Variants in ARHGAP8 observed in about 807,000 individuals in gnomAD.
The protein encoded by ARHGAP8 is Rho GTPase activating protein 8, also known as rho GTPase-activating protein 8.
In ARHGAP8, 62 loss-of-function variants were observed where a neutral mutation model predicts 46.1. The ratio of observed to expected loss-of-function variants is 1.34; its 90% confidence interval spans 1.10 to 1.66. The LOEUF is 1.66. ARHGAP8 is among the 40% of genes most tolerant of loss of function. The probability of loss-of-function intolerance (pLI) is 0.00; values close to 1 mark genes in which losing one functional copy is unlikely to be tolerated. For synonymous variants in ARHGAP8, 375 were observed against 243.1 expected (o/e 1.54, Z -5.05); for missense variants, 923 against 568.4 (o/e 1.62, Z -6.34).
At chr22:44,837,688 G>A (rs1423791296) in intron 7 of ARHGAP8, among the ~76,000 whole-genome samples, 1 of 152,150 alleles carries the variant, frequency 6.6e-6, no homozygotes, top group Admixed American at 6.6e-5. Context: ...CTCTCTCCGA[G>A]CCAGCAAGTA....
intron 2 of ARHGAP8, among the ~76,000 whole-genome samples, chr22:44,795,683 G>A (rs922392235): frequency 2.0e-5 from 3 of 152,192 alleles, no homozygotes; most frequent in African/African-American, 7.2e-5. Flanking sequence ...GAAGGAGGGT[G>A]CTGGGACCTG....
intron 2 of ARHGAP8, among the ~76,000 whole-genome samples, chr22:44,792,126 C>T (rs1331570408): frequency 2.0e-5 from 3 of 151,900 alleles, no homozygotes; most frequent in Non-Finnish European, 2.9e-5. Context: ...GATTCTCTGC[C>T]TCAGCCTCCC....
intron 5 of ARHGAP8, 152 bp downstream of exon 5, chr22:44,814,910 G>C (rs888042305): frequency 1.2e-6 from 1 of 848,414 alleles, no homozygotes; most frequent in East Asian, 2.7e-5. Context: ...GGGTCTGCGG[G>C]GGGTCACAAG....
intron 1 of ARHGAP8, chr22:44,765,134 TGGGGCCACAGCTGGCCCG>T (rs1925451021): frequency 6.6e-6 from 1 of 152,328 alleles, no homozygotes; most frequent in Admixed American, 6.5e-5. Context: ...AGAGTGGCCC[TGGGGCCACAGCTGGCCCG>T]GGGCCTGCAC....
intron 4 of ARHGAP8, chr22:44,809,048 C>T (rs1319605916): frequency 2.2e-6 from 1 of 463,446 alleles, no homozygotes; most frequent in East Asian, 7.0e-5. Context: ...TCTCGAACTC[C>T]AAGCTCAAGC....
At chr22:44,832,974 C>A (rs915090935) in intron 7 of ARHGAP8, among the ~76,000 whole-genome samples, 3 of 150,208 alleles carry the variant, frequency 2.0e-5, no homozygotes, top group African/African-American at 7.3e-5. Flanking sequence ...TAAAAACACA[C>A]ACACACACAC....
At chr22:44,860,122 A>G (rs2349857) in intron 11 of ARHGAP8, among the ~76,000 whole-genome samples, 1 of 151,828 alleles carries the variant, frequency 6.6e-6, no homozygotes, top group East Asian at 1.9e-4. Context: ...CTCTGCCCCC[A>G]TGTCATTTCC....
At chr22:44,857,811 CCT>C (rs1203014966) in intron 10 of ARHGAP8, among the ~76,000 whole-genome samples, 1 of 152,106 alleles carries the variant, frequency 6.6e-6, no homozygotes, top group East Asian at 1.9e-4. Flanking sequence ...TCTCTTTCCT[CCT>C]CTCTCTACAC....
chr22:44,754,975 C>A (rs780984947), intron 1 of ARHGAP8, among the ~76,000 whole-genome samples: 1 of 151,894 alleles, frequency 6.6e-6, no homozygotes, highest in Non-Finnish European at 1.5e-5. Context: ...TTAGGCAGGT[C>A]ACTCTCCTTC....
intron 7 of ARHGAP8, 59 bp downstream of exon 7, chr22:44,825,652 G>A (rs1045633529): frequency 1.0e-5 from 16 of 1,530,618 alleles, no homozygotes; most frequent in African/African-American, 4.2e-5. Flanking sequence ...GCTGTGGGGC[G>A]CTTCTGGGTC....
At position 44,845,344 on chromosome 22, in the gene ARHGAP8, T is replaced by G. The variant is rs1462660259; in HGVS notation, c.670+2T>G. On this transcript the variant is annotated splice_donor_variant, in intron 8 of 11. Transcript: ENST00000356099. LOFTEE classifies it high-confidence loss of function. Reference sequence around the variant, plus strand: ...CAGTGACGTACCTGAGAGAGAAAGGTGAGACGGGGCCGGCTCCAGCTGGAT... The same window carrying G: ...CAGTGACGTACCTGAGAGAGAAAGGGGAGACGGGGCCGGCTCCAGCTGGAT... 6.2e-7 allele frequency: 1 copy of G among 1,613,958 alleles called. No homozygotes were observed.
rs532392535 is a variant in ARHGAP8 at position 44,819,433 on chromosome 22, A to G, written c.387-2938A>G. On this transcript the variant is annotated intron_variant, in intron 5 of 11. Transcript: ENST00000356099. ...ACCCCTGTAATCCCAGCACTTTGGG[A>G]GGCCAATGTGGGCAGATTACCTGAG... is the stretch of plus-strand genomic sequence containing the variant. 2.6e-5 allele frequency among the ~76,000 whole-genome samples: 4 copies of G among 152,312 alleles called. No homozygotes were observed. The South Asian group carries it at 8.3e-4, about 32-fold the overall frequency.
At chr22:44,801,583 A>G (rs79838210) in intron 2 of ARHGAP8, among the ~76,000 whole-genome samples, 14,437 of 152,280 alleles carry the variant, frequency 0.095, 873 homozygotes, top group African/African-American at 0.16. Context: ...CCGGGCCATA[A>G]TGGACGGCAG....
intron 7 of ARHGAP8, among the ~76,000 whole-genome samples, chr22:44,826,742 G>A (rs1930550117): frequency 6.6e-6 from 1 of 152,106 alleles, no homozygotes; most frequent in Admixed American, 6.5e-5. Context: ...GGTAGATTTT[G>A]AAACATTTTG....
Position 44,799,253 on chromosome 22 carries a change from G to A in ARHGAP8, c.80-2824G>A, listed in dbSNP as rs185169038. ...GGGCCTTCAAAGCCACCAAGGCTGCGTGTGGCCTCTCCCTGTACATTACCC... is the reference window on the plus strand; with the variant it reads ...GGGCCTTCAAAGCCACCAAGGCTGCATGTGGCCTCTCCCTGTACATTACCC... On this transcript the variant is annotated intron_variant, in intron 2 of 11. Coordinates refer to ENST00000356099, the MANE Select transcript of ARHGAP8 (RefSeq NM_181335.3). Among the ~76,000 whole-genome samples the A allele has an allele frequency of 6.0e-4, 92 of 152,360 alleles. No homozygotes were observed. The East Asian group carries it at 0.015, about 25-fold the overall frequency.
chr22:44,822,029 C>A (rs956803815), intron 5 of ARHGAP8, among the ~76,000 whole-genome samples: 1 of 152,216 alleles, frequency 6.6e-6, no homozygotes, highest in Admixed American at 6.5e-5. Context: ...TGGCTTAGTG[C>A]CCCCTGTCTA....
intron 6 of ARHGAP8, 64 bp from the exon 7 acceptor site, chr22:44,825,419 C>T (rs1930437236): frequency 3.2e-6 from 5 of 1,555,080 alleles, no homozygotes; most frequent in African/African-American, 2.8e-5. Flanking sequence ...CAGCCCCACC[C>T]AGCGCCTCCG....
intron 1 of ARHGAP8, among the ~76,000 whole-genome samples, chr22:44,753,423 G>C (rs7284589): frequency 0.51 from 77,211 of 151,560 alleles, 20,254 homozygotes; most frequent in Non-Finnish European, 0.56. Context: ...GTTTCACCAT[G>C]TTGTCCAGGC....
chr22:44,859,890 T>A, intron 11 of ARHGAP8, 56 bp downstream of exon 11: 2 of 1,577,634 alleles, frequency 1.3e-6, no homozygotes, highest in Admixed American at 1.7e-5. Flanking sequence ...CCTCCCATGC[T>A]GGGCCCGCAT....
Sources: gnomAD v4.1 joint callset for allele counts (sites outside exome capture counted in the v4.1 genomes callset) on GRCh38, gnomAD v4.1.1 for gene constraint, MANE v1.5 for transcripts, NCBI Gene and HGNC (gene_info 2026-07-23, HGNC 2026-07-21) for gene names.